ADGRF3: variants seen among roughly 807,000 people sequenced by gnomAD.
ADGRF3 encodes G protein-coupled receptor 113.
ADGRF3 carries 85 observed loss-of-function variants against 93.2 expected under a neutral mutation model. The observed-to-expected ratio is 0.91, with a 90% CI of 0.77 to 1.09. ADGRF3 has a LOEUF of 1.09. Among genes scored for constraint, ADGRF3 ranks in the 50% least tolerant of loss-of-function variants. The probability of loss-of-function intolerance (pLI) is 0.00; values close to 1 mark genes in which losing one functional copy is unlikely to be tolerated. For synonymous variants in ADGRF3, 534 were observed against 532.5 expected (o/e 1.00, Z -0.04); for missense variants, 1,125 against 1,246.2 (o/e 0.90, Z 1.46).
At chr2:26,323,758 T>C (rs1398799586) in intron 1 of ADGRF3, among the ~76,000 whole-genome samples, 1 of 151,830 alleles carries the variant, frequency 6.6e-6, no homozygotes, top group Non-Finnish European at 1.5e-5. Context: ...GCCTCCCAAG[T>C]AGCTGGGATT....
intron 3 of ADGRF3, 130 bp from the exon 4 acceptor site, chr2:26,316,578 C>T (rs1247850869): frequency 1.1e-6 from 1 of 923,668 alleles, no homozygotes; most frequent in East Asian, 2.7e-5. Flanking sequence ...CTACAGGTGC[C>T]TCAGTCAGGC....
chr2:26,343,842 G>A (rs1247108702), intron 1 of ADGRF3, among the ~76,000 whole-genome samples: 2 of 152,146 alleles, frequency 1.3e-5, no homozygotes, highest in African/African-American at 4.8e-5. Flanking sequence ...CAATTTCTGG[G>A]TTATGCTTCA....
intron 1 of ADGRF3, among the ~76,000 whole-genome samples, chr2:26,322,287 A>AAC (rs1179550071): frequency 5.3e-5 from 8 of 150,782 alleles, no homozygotes; most frequent in African/African-American, 1.5e-4. Context: ...TGTCTCAAAA[A>AAC]AAAAAAAAAA....
intron 1 of ADGRF3, among the ~76,000 whole-genome samples, chr2:26,337,332 ATTG>A (rs1275095586): frequency 1.3e-5 from 2 of 152,214 alleles, no homozygotes; most frequent in African/African-American, 4.8e-5. Flanking sequence ...CTTCCACTTT[ATTG>A]TTCTCCCAGC....
chr2:26,316,067 T>A (rs1422653846), intron 4 of ADGRF3, among the ~76,000 whole-genome samples: 1 of 152,172 alleles, frequency 6.6e-6, no homozygotes. Context: ...CTGGTCCTTA[T>A]GTCTCTGGGG....
chr2:26,337,785 G>A (rs900979513), intron 1 of ADGRF3, among the ~76,000 whole-genome samples: 1 of 152,164 alleles, frequency 6.6e-6, no homozygotes, highest in African/African-American at 2.4e-5. Flanking sequence ...CACTTTGGGA[G>A]GCCGAGGCAG....
intron 7 of ADGRF3, 29 bp downstream of exon 7, chr2:26,313,731 C>A (rs745677332): frequency 6.2e-7 from 1 of 1,612,298 alleles, no homozygotes; most frequent in Non-Finnish European, 8.5e-7. Flanking sequence ...CAGCTGGGAC[C>A]AGCCCACTGG....
intron 1 of ADGRF3, among the ~76,000 whole-genome samples, chr2:26,339,451 G>C (rs568197259): frequency 2.0e-4 from 31 of 152,228 alleles, no homozygotes; most frequent in Non-Finnish European, 3.4e-4. Context: ...AGCTAAGATC[G>C]TGCCACTGCA....
intron 1 of ADGRF3, among the ~76,000 whole-genome samples, chr2:26,322,211 G>A (rs1675189881): frequency 6.6e-6 from 1 of 150,614 alleles, no homozygotes. Flanking sequence ...GAACCTGGGA[G>A]GTGGAGGTTG....
rs374032355 is a variant in ADGRF3, at chr2:26,311,367, C to T, written c.2157G>A (p.Val719=). The T allele has an allele frequency of 1.2e-6, 2 of 1,614,056 alleles. No homozygotes were observed. Among genetic ancestry groups the T allele is most frequent in the Non-Finnish European group, 1.7e-6 (2 of 1,179,900 alleles). Residue 719 remains valine, a synonymous_variant, in exon 10 of 14, where the codon GTG becomes GTA. Coordinates refer to ENST00000651242, the MANE Select transcript of ADGRF3 (RefSeq NM_001321971.2). ...ACACCAGCCAGTACACACCCAGGCA[C>T]ACAAGCAGCGCCAGTATGGAAGCTC... ...GLGASILALL[V]CLGVYWLVWR... is the part of the protein sequence containing the mutation.
chr2:26,345,110 G>C (rs1227145418), intron 1 of ADGRF3, among the ~76,000 whole-genome samples: 1 of 152,118 alleles, frequency 6.6e-6, no homozygotes, highest in Non-Finnish European at 1.5e-5. Context: ...TCCGAGCTTC[G>C]TAACTAAGTG....
intron 10 of ADGRF3, 128 bp from the exon 11 acceptor site, chr2:26,310,365 T>G: frequency 9.8e-7 from 1 of 1,016,468 alleles, no homozygotes; most frequent in South Asian, 1.6e-5. Flanking sequence ...TACCACTATT[T>G]GGTGCATAGG....
intron 9 of ADGRF3, 94 bp downstream of exon 9, chr2:26,312,849 C>T (rs1674304871): frequency 1.7e-6 from 2 of 1,203,760 alleles, no homozygotes; most frequent in Admixed American, 4.4e-5. Flanking sequence ...CCCAACAGCC[C>T]ATGGTGACAT....
rs1674119376 is a variant in ADGRF3, at chr2:26,311,449, G to A, written c.2075C>T (p.Ser692Phe). 1 of 1,614,074 alleles carries A rather than the reference G, an allele frequency of 6.2e-7. No homozygotes were observed. The highest frequency in any genetic ancestry group is 8.5e-7 in the Non-Finnish European group (1 of 1,179,898). ...GGGTTCTTCCGGAACAGTGTGTGGGGACATGAGGACGGAGAAGGCAGTGAG... is the reference window on the plus strand; with the variant it reads ...GGGTTCTTCCGGAACAGTGTGTGGGAACATGAGGACGGAGAAGGCAGTGAG... ...QHLTAFSVLMSPHTVPEEPAL... is the reference protein window; with the variant it reads ...QHLTAFSVLMFPHTVPEEPAL... Residue 692 changes from serine to phenylalanine, a missense_variant, in exon 10 of 14, where the codon TCC becomes TTC. Ser to Phe is a radical substitution (Grantham distance 155). Coordinates refer to ENST00000651242, the MANE Select transcript of ADGRF3 (RefSeq NM_001321971.2).
At chr2:26,334,324 C>A (rs983142413) in intron 1 of ADGRF3, among the ~76,000 whole-genome samples, 1 of 151,826 alleles carries the variant, frequency 6.6e-6, no homozygotes, top group Non-Finnish European at 1.5e-5. Flanking sequence ...AAAAAACCAC[C>A]CACAATGCTT....
intron 1 of ADGRF3, among the ~76,000 whole-genome samples, chr2:26,340,860 A>G (rs77257540): frequency 6.6e-6 from 1 of 152,206 alleles, no homozygotes; most frequent in Non-Finnish European, 1.5e-5. Flanking sequence ...TGCTTCTTTT[A>G]TTTAACAGAC....
chr2:26,332,124 T>A (rs1675802104), intron 1 of ADGRF3, among the ~76,000 whole-genome samples: 1 of 152,230 alleles, frequency 6.6e-6, no homozygotes, highest in African/African-American at 2.4e-5. Flanking sequence ...ACACTTTAAC[T>A]TCTTTTATTC....
intron 1 of ADGRF3, among the ~76,000 whole-genome samples, chr2:26,334,799 A>C (rs923748625): frequency 2.6e-5 from 4 of 152,186 alleles, no homozygotes; most frequent in African/African-American, 9.7e-5. Flanking sequence ...GCTTTGCATA[A>C]TTTGCAATAA....
intron 1 of ADGRF3, among the ~76,000 whole-genome samples, chr2:26,322,282 CAAAA>C (rs60338868): frequency 2.6e-5 from 2 of 76,772 alleles, no homozygotes; most frequent in Non-Finnish European, 2.8e-5. Flanking sequence ...GAATCTGTCT[CAAAA>C]AAAAAAAAAA....
Sources: allele counts gnomAD v4.1 joint callset (sites outside exome capture counted in the v4.1 genomes callset), GRCh38; gene constraint gnomAD v4.1.1; transcripts MANE v1.5; gene names NCBI Gene and HGNC (gene_info 2026-07-23, HGNC 2026-07-21).